SOX6: variants seen among roughly 807,000 people sequenced by gnomAD.
SOX6 encodes transcription factor SOX-6.
Under a neutral mutation model 97.8 loss-of-function variants are expected in SOX6, and 11 were observed. The observed-to-expected ratio is 0.11, with a 90% CI of 0.07 to 0.19. The LOEUF (loss-of-function observed/expected upper bound fraction) is 0.19, where lower values mean the gene tolerates loss of function less well. SOX6 is among the 10% of genes least tolerant of loss of function. The pLI, the probability that SOX6 is intolerant of heterozygous loss-of-function variation, is 1.00. For synonymous variants in SOX6, 360 were observed against 371.4 expected (o/e 0.97, Z 0.35); for missense variants, 810 against 1,039.5 (o/e 0.78, Z 3.04).
intron 3 of SOX6, among the ~76,000 whole-genome samples, chr11:16,670,607 C>T (rs754995156): frequency 5.3e-5 from 8 of 152,190 alleles, no homozygotes; most frequent in Non-Finnish European, 1.2e-4. Context: ...ACAGATCACA[C>T]CCACACCCCC....
At chr11:16,640,204 G>C (rs1308302191) in intron 3 of SOX6, among the ~76,000 whole-genome samples, 1 of 152,110 alleles carries the variant, frequency 6.6e-6, no homozygotes, top group East Asian at 1.9e-4. Flanking sequence ...TTATACGCTG[G>C]ATTACATTTA....
At chr11:16,187,952 G>C (rs1471066363) in intron 4 of SOX6, among the ~76,000 whole-genome samples, 2 of 152,064 alleles carry the variant, frequency 1.3e-5, no homozygotes, top group Non-Finnish European at 2.9e-5. Context: ...GCTGTCAAAG[G>C]GGACAAAGAT....
At chr11:16,174,034 CTTTTT>C (rs76988026) in intron 6 of SOX6, among the ~76,000 whole-genome samples, 1 of 132,026 alleles carries the variant, frequency 7.6e-6, no homozygotes, top group Non-Finnish European at 1.7e-5. Context: ...TCCTTTGTTT[CTTTTT>C]TTTTTTTTTT....
intron 4 of SOX6, among the ~76,000 whole-genome samples, chr11:16,514,820 G>C (rs1565168524): frequency 6.6e-6 from 1 of 151,234 alleles, no homozygotes; most frequent in Non-Finnish European, 1.5e-5. Flanking sequence ...GCTTGCGATA[G>C]TTTACTGAGA....
chr11:16,367,768 A>G (rs1857394376), intron 1 of SOX6, among the ~76,000 whole-genome samples: 1 of 152,102 alleles, frequency 6.6e-6, no homozygotes, highest in Non-Finnish European at 1.5e-5. Flanking sequence ...AGGACTAAAC[A>G]CCAATATTAG....
chr11:16,061,987 A>G (rs1033631999), intron 9 of SOX6, among the ~76,000 whole-genome samples: 2 of 151,758 alleles, frequency 1.3e-5, no homozygotes, highest in African/African-American at 2.4e-5. Context: ...TTAGGCAAAG[A>G]ATTCATAACT....
chr11:16,216,913 T>C (rs1320576042), intron 4 of SOX6, among the ~76,000 whole-genome samples: 1 of 152,168 alleles, frequency 6.6e-6, no homozygotes, highest in Non-Finnish European at 1.5e-5. Flanking sequence ...ATGATAGCCA[T>C]GGCTGAGAAA....
intron 12 of SOX6, among the ~76,000 whole-genome samples, chr11:16,039,023 C>T (rs1779420822): frequency 6.6e-6 from 1 of 152,100 alleles, no homozygotes; most frequent in South Asian, 2.1e-4. Flanking sequence ...TAACACATTT[C>T]CTTTTTGCCT....
At chr11:16,708,067 C>T (rs2134045863) in intron 3 of SOX6, among the ~76,000 whole-genome samples, 1 of 152,224 alleles carries the variant, frequency 6.6e-6, no homozygotes, top group East Asian at 1.9e-4. Flanking sequence ...ATAACAGTCA[C>T]ACAGTAGTTT....
chr11:15,971,320 A>G lies in SOX6; in HGVS notation c.*1489T>C, dbSNP rs1853302703. The G allele has an allele frequency of 6.6e-6, 1 of 152,618 alleles. No individual in the cohort carries two copies. Among genetic ancestry groups the G allele is most frequent in the Non-Finnish European group, 1.5e-5 (1 of 68,056 alleles). The allele number at this position is 152,618 out of a possible 1,614,324, so 9.5% of individuals were successfully genotyped here. On this transcript the variant is annotated 3_prime_UTR_variant, in exon 16 of 16. Coordinates refer to ENST00000683767, the MANE Select transcript of SOX6 (RefSeq NM_001367873.1). ...GGGGATTTTGCAATGAACTCCCTAG[A>G]TGTGCCAGCTGGGACAAGGCAACTC...
chr11:16,136,044 G>A (rs80145919), intron 6 of SOX6, among the ~76,000 whole-genome samples: 1,827 of 152,102 alleles, frequency 0.012, 35 homozygotes, highest in African/African-American at 0.042. Flanking sequence ...TTTTGAGGTA[G>A]AGACTTGCTG....
intron 1 of SOX6, among the ~76,000 whole-genome samples, chr11:16,438,797 T>C (rs1859440595): frequency 6.7e-6 from 1 of 149,928 alleles, no homozygotes; most frequent in East Asian, 1.9e-4. Context: ...TCAGGAAATC[T>C]TGAGCAACCT....
At chr11:16,206,076 G>A (rs1382830174) in intron 4 of SOX6, among the ~76,000 whole-genome samples, 1 of 151,680 alleles carries the variant, frequency 6.6e-6, no homozygotes, top group East Asian at 1.9e-4. Flanking sequence ...TACTGAGAAT[G>A]GCAAATGTAT....
At chr11:16,186,668 T>C in intron 5 of SOX6, 115 bp downstream of exon 5, 2 of 1,279,078 alleles carry the variant, frequency 1.6e-6, no homozygotes, top group Non-Finnish European at 1.1e-6. Flanking sequence ...TCTTTTCTTA[T>C]TTTTATTTTT....
chr11:16,244,754 A>ATG (rs1273579387), intron 3 of SOX6, among the ~76,000 whole-genome samples: 4 of 150,764 alleles, frequency 2.7e-5, no homozygotes, highest in South Asian at 4.2e-4. Context: ...TAGAGTGTGT[A>ATG]TGTGTGTGTG....
intron 3 of SOX6, among the ~76,000 whole-genome samples, chr11:16,687,852 T>C: frequency 6.6e-6 from 1 of 152,214 alleles, no homozygotes; most frequent in East Asian, 1.9e-4. Flanking sequence ...TTTAAAGTTG[T>C]TGTGCCACTA....
intron 9 of SOX6, among the ~76,000 whole-genome samples, chr11:16,063,971 A>T (rs1848029436): frequency 6.6e-6 from 1 of 151,652 alleles, no homozygotes; most frequent in Admixed American, 6.6e-5. Flanking sequence ...AAGAAAGATT[A>T]TGATGTGACT....
intron 1 of SOX6, among the ~76,000 whole-genome samples, chr11:16,364,881 T>A (rs1049303148): frequency 2.0e-5 from 3 of 152,118 alleles, no homozygotes; most frequent in African/African-American, 7.2e-5. Flanking sequence ...CTGTTCAAAT[T>A]ATTTAAGCCT....
intron 3 of SOX6, among the ~76,000 whole-genome samples, chr11:16,618,659 G>A (rs1050338124): frequency 1.3e-5 from 2 of 151,872 alleles, no homozygotes; most frequent in Non-Finnish European, 2.9e-5. Context: ...ATAAAAGATG[G>A]TTTGTGGATA....
Sources: gnomAD v4.1 joint callset for allele counts (sites outside exome capture counted in the v4.1 genomes callset) on GRCh38, gnomAD v4.1.1 for gene constraint, MANE v1.5 for transcripts, NCBI Gene and HGNC (gene_info 2026-07-23, HGNC 2026-07-21) for gene names.